INSYN2A: variants seen among roughly 807,000 people sequenced by gnomAD.
INSYN2A encodes family with sequence similarity 196 member A.
Under a neutral mutation model 39.4 loss-of-function variants are expected in INSYN2A, and 17 were observed. That is an observed-to-expected ratio of 0.43 (90% CI 0.30 to 0.65). INSYN2A has a LOEUF of 0.65. Ranked by LOEUF, INSYN2A falls within the 30% of genes least tolerant of loss-of-function variation. The pLI is 0.14. For missense variants in INSYN2A, 595 were observed against 631.2 expected, an observed-to-expected ratio of 0.94 and a Z score of 0.61; for synonymous variants, 255 against 265.7, an observed-to-expected ratio of 0.96 and a Z score of 0.39.
At chr10:127,181,115 T>C (rs553325390) in intron 2 of INSYN2A, among the ~76,000 whole-genome samples, 1 of 152,202 alleles carries the variant, frequency 6.6e-6, no homozygotes, top group African/African-American at 2.4e-5. Flanking sequence ...GGTCATCTTT[T>C]ATTGTTTTGA....
chr10:127,182,626 T>C lies in INSYN2A; in HGVS notation c.-268-5487A>G, dbSNP rs1467855015. The stretch of plus-strand genomic sequence containing the variant: ...AACTGGAAAATATGCCTCCTTGAAA[T>C]GAGACATTATGTCAATGTAAAAAAA... On this transcript the variant is annotated intron_variant, in intron 2 of 5. Transcript: ENST00000522781. 2.0e-5 allele frequency among the ~76,000 whole-genome samples: 3 copies of C among 152,188 alleles called. No homozygotes were observed. In the East Asian group the frequency reaches 5.8e-4, roughly 29 times the overall value.
In INSYN2A at chr10:127,196,097, A is replaced by G. The variant is rs190160935; in HGVS notation, c.-495T>C. 2.6e-5 allele frequency: 4 copies of G among 152,088 alleles called. No homozygotes were observed. Among genetic ancestry groups the G allele is most frequent in the African/African-American group, 7.2e-5 (3 of 41,446 alleles). 9.4% of individuals were successfully genotyped at this position (152,088 alleles called of 1,614,324 possible). A position where few individuals can be genotyped will look rare whatever the true frequency, so the allele number is the denominator to read the frequency against. ...CCTGGGGCGGCACGGAGCACTCCGG[A>G]CAGGGCATCCGCGGCCAGACTCGCC... On this transcript the variant is annotated 5_prime_UTR_variant, in exon 1 of 6. Transcript: ENST00000522781.
At chr10:127,164,870 G>A (rs1263382501) in intron 4 of INSYN2A, among the ~76,000 whole-genome samples, 1 of 152,134 alleles carries the variant, frequency 6.6e-6, no homozygotes, top group African/African-American at 2.4e-5. Flanking sequence ...TGATGACAAT[G>A]ATACAAACAA....
At chr10:127,173,813 C>T (rs1381009502) in intron 4 of INSYN2A, among the ~76,000 whole-genome samples, 1 of 152,108 alleles carries the variant, frequency 6.6e-6, no homozygotes, top group East Asian at 1.9e-4. Flanking sequence ...AGATGTAAAC[C>T]CAAGATTGAA....
chr10:127,183,714 T>C (rs1370790653), intron 2 of INSYN2A, among the ~76,000 whole-genome samples: 1 of 152,216 alleles, frequency 6.6e-6, no homozygotes, highest in East Asian at 1.9e-4. Context: ...AGCGAAATTT[T>C]AGCATTCATA....
At chr10:127,152,250 A>G (rs2052571539) in intron 5 of INSYN2A, among the ~76,000 whole-genome samples, 1 of 152,214 alleles carries the variant, frequency 6.6e-6, no homozygotes, top group Non-Finnish European at 1.5e-5. Flanking sequence ...TGTCAGTGTT[A>G]CAGCCCTTTG....
chr10:127,193,959 T>C (rs906271895), intron 1 of INSYN2A, among the ~76,000 whole-genome samples: 1 of 152,192 alleles, frequency 6.6e-6, no homozygotes, highest in African/African-American at 2.4e-5. Flanking sequence ...AGTAATTCTG[T>C]TTCTTAATAG....
chr10:127,176,324 C>T lies in INSYN2A; in HGVS notation c.72G>A (p.Leu24=). The change falls in exon 4 of 6, where the codon CTG becomes CTA. Residue 24 remains leucine (L), a synonymous_variant. Coordinates refer to ENST00000522781, the MANE Select transcript of INSYN2A (RefSeq NM_001039762.3). This position sits in a 1 kb window ranked among gnomAD's most constrained non-coding sequence, Gnocchi z 4.4. ...CCAGGGCGTATTTCATCTCCAGGGC[C>T]AGGCAGGCGGCGGGTTCCACTTCAC... The part of the protein sequence containing the change: ...SESEVEPAAC[L]ALEMKYALDP... 1 of 1,614,008 alleles carries T rather than the reference C, an allele frequency of 6.2e-7. No individual in the cohort carries two copies. Among genetic ancestry groups the T allele is most frequent in the African/African-American group, 1.3e-5 (1 of 75,008 alleles).
intron 1 of INSYN2A, among the ~76,000 whole-genome samples, chr10:127,194,244 T>C (rs1053806617): frequency 6.6e-6 from 1 of 152,238 alleles, no homozygotes; most frequent in Non-Finnish European, 1.5e-5. Flanking sequence ...ACTTTTTCTT[T>C]TCCTTAACCA....
At chr10:127,158,890 C>CT (rs1053646479) in intron 4 of INSYN2A, among the ~76,000 whole-genome samples, 9 of 152,074 alleles carry the variant, frequency 5.9e-5, no homozygotes, top group African/African-American at 1.9e-4. Context: ...AAGGAGCTCT[C>CT]TTTTTTTGGT....
chr10:127,150,175 TG>T (rs2052349973), intron 5 of INSYN2A, among the ~76,000 whole-genome samples: 1 of 152,218 alleles, frequency 6.6e-6, no homozygotes, highest in African/African-American at 2.4e-5. Flanking sequence ...ACACTGCTAC[TG>T]AGTCACCTGA....
chr10:127,137,859 C>G lies in INSYN2A; in HGVS notation c.1418G>C (p.Arg473Thr). The G allele has an allele frequency of 6.2e-7, 1 of 1,613,880 alleles. No individual in the cohort carries two copies. The highest frequency in any genetic ancestry group is 8.5e-7 in the Non-Finnish European group (1 of 1,179,952). Reference protein sequence around the residue: ...KSKTESKKHGRWKLWFL With the variant: ...KSKTESKKHGTWKLWFL The stretch of plus-strand genomic sequence containing the variant: ...GTGTTAAAGGAACCAGAGTTTCCAT[C>G]TTCCGTGCTTTTTAGATTCAGTTTT... The change falls in exon 6 of 6, where the codon AGA (arginine) becomes ACA (threonine). Residue 473 changes from arginine (R) to threonine (T), a missense_variant. Coordinates refer to ENST00000522781, the MANE Select transcript of INSYN2A (RefSeq NM_001039762.3).
chr10:127,144,203 C>T (rs1024590247), intron 5 of INSYN2A, among the ~76,000 whole-genome samples: 1 of 152,196 alleles, frequency 6.6e-6, no homozygotes, highest in African/African-American at 2.4e-5. Context: ...CTTAGGAAAA[C>T]TGGCAAACTC....
chr10:127,174,829 TG>T (rs1314652582), intron 4 of INSYN2A, among the ~76,000 whole-genome samples: 10 of 152,370 alleles, frequency 6.6e-5, no homozygotes, highest in African/African-American at 2.4e-4. Context: ...AAGAGGCCTG[TG>T]GCCTCTTCTC....
intron 5 of INSYN2A, among the ~76,000 whole-genome samples, chr10:127,142,736 C>A (rs778902563): frequency 3.9e-5 from 6 of 152,150 alleles, no homozygotes; most frequent in African/African-American, 1.2e-4. Flanking sequence ...GATAAGGGAA[C>A]CATCCACCCA....
chr10:127,150,399 C>G lies in INSYN2A; in HGVS notation c.1256+3453G>C, dbSNP rs374067387. 9.9e-5 allele frequency among the ~76,000 whole-genome samples: 15 copies of G among 152,196 alleles called. No individual in the cohort carries two copies. In the East Asian group the frequency reaches 1.4e-3, roughly 14 times the overall value. On this transcript the variant is annotated intron_variant, in intron 5 of 5. Transcript: ENST00000522781. ...AGTGACCCTGTGTATCAGCAACTCT[C>G]AGCCACCAGGGCAGAATCACACAGA... is the stretch of plus-strand genomic sequence containing the variant.
At chr10:127,161,736 C>G (rs2053608987) in intron 4 of INSYN2A, among the ~76,000 whole-genome samples, 1 of 152,190 alleles carries the variant, frequency 6.6e-6, no homozygotes, top group African/African-American at 2.4e-5. Context: ...GCTCCATTTC[C>G]TCTGCCAGAA....
chr10:127,148,030 CAAAAAAAAAAA>C (rs57503481), intron 5 of INSYN2A, among the ~76,000 whole-genome samples: 2 of 63,276 alleles, frequency 3.2e-5, no homozygotes, highest in South Asian at 1.1e-3. Context: ...GACTCTGTCT[CAAAAAAAAAAA>C]AAAAAAAAAA....
chr10:127,180,723 A>C (rs1385353373), intron 2 of INSYN2A, among the ~76,000 whole-genome samples: 1 of 152,248 alleles, frequency 6.6e-6, no homozygotes, highest in African/African-American at 2.4e-5. Context: ...ACAATAGGTA[A>C]ACAGTTAAGT....
Sources: allele counts gnomAD v4.1 joint callset (sites outside exome capture counted in the v4.1 genomes callset), GRCh38; gene constraint gnomAD v4.1.1; non-coding constraint Gnocchi (gnomAD v3.1); transcripts MANE v1.5; gene names NCBI Gene and HGNC (gene_info 2026-07-23, HGNC 2026-07-21).